PLXDC2: variants seen among roughly 807,000 people sequenced by gnomAD.
PLXDC2 encodes the protein plexin domain-containing protein 2.
PLXDC2 carries 40 observed loss-of-function variants against 68.9 expected under a neutral mutation model. The observed-to-expected ratio is 0.58, with a 90% CI of 0.45 to 0.76. PLXDC2 has a LOEUF of 0.76. Among genes scored for constraint, PLXDC2 ranks in the 30% least tolerant of loss-of-function variants. The pLI, the probability that PLXDC2 is intolerant of heterozygous loss-of-function variation, is 0.00. For missense variants in PLXDC2, 644 were observed against 661.9 expected (o/e 0.97, Z 0.30); for synonymous variants, 243 against 234.2 (o/e 1.04, Z -0.34).
intron 1 of PLXDC2, among the ~76,000 whole-genome samples, chr10:19,858,418 A>G (rs927435209): frequency 2.0e-5 from 3 of 152,216 alleles, no homozygotes; most frequent in African/African-American, 7.2e-5. Flanking sequence ...TGTTGAATAA[A>G]TGAAGGGAAG....
chr10:20,024,793 C>T (rs1269279724), intron 2 of PLXDC2, among the ~76,000 whole-genome samples: 1 of 152,028 alleles, frequency 6.6e-6, no homozygotes, highest in East Asian at 1.9e-4. Flanking sequence ...TCGTTCAGGT[C>T]CTACTTATAA....
intron 10 of PLXDC2, among the ~76,000 whole-genome samples, chr10:20,213,412 A>C (rs181761671): frequency 5.3e-5 from 8 of 152,162 alleles, no homozygotes; most frequent in African/African-American, 1.9e-4. Context: ...TCAGTGTCCC[A>C]CTGTATTAAT....
chr10:20,150,695 C>G (rs1834141436), intron 6 of PLXDC2, among the ~76,000 whole-genome samples: 2 of 152,136 alleles, frequency 1.3e-5, no homozygotes, highest in Admixed American at 6.5e-5. Flanking sequence ...TAGGTCTCAC[C>G]ACCTGGAGGC....
chr10:19,894,100 G>A (rs1838014114), intron 1 of PLXDC2, among the ~76,000 whole-genome samples: 1 of 152,126 alleles, frequency 6.6e-6, no homozygotes, highest in Non-Finnish European at 1.5e-5. Flanking sequence ...CAGCACCACA[G>A]GCTATAGTGC....
chr10:19,869,509 G>C (rs1161569736), intron 1 of PLXDC2, among the ~76,000 whole-genome samples: 1 of 147,990 alleles, frequency 6.8e-6, no homozygotes, highest in African/African-American at 2.5e-5. Flanking sequence ...AGGGAGACCA[G>C]TACATTAAAT....
At chr10:19,911,906 A>G (rs910269142) in intron 1 of PLXDC2, among the ~76,000 whole-genome samples, 1 of 152,202 alleles carries the variant, frequency 6.6e-6, no homozygotes, top group African/African-American at 2.4e-5. Context: ...TGTATGTTCT[A>G]TGTAAGCAAA....
At chr10:19,826,523 C>T (rs1836573556) in intron 1 of PLXDC2, among the ~76,000 whole-genome samples, 1 of 151,912 alleles carries the variant, frequency 6.6e-6, no homozygotes, top group South Asian at 2.1e-4. Flanking sequence ...CTGTGGATGC[C>T]CTGTGAAAAT....
chr10:20,073,454 T>C (rs545732242), intron 4 of PLXDC2, among the ~76,000 whole-genome samples: 2 of 152,236 alleles, frequency 1.3e-5, no homozygotes, highest in Non-Finnish European at 2.9e-5. Flanking sequence ...GTATGTATTT[T>C]ACTACGAATA....
At chr10:20,089,665 A>G (rs992916901) in intron 4 of PLXDC2, among the ~76,000 whole-genome samples, 33 of 152,164 alleles carry the variant, frequency 2.2e-4, no homozygotes, top group Admixed American at 1.3e-4. Context: ...TCCTGGCCAT[A>G]ATTTTCCTAG....
chr10:20,268,389 T>A (rs1835896876), intron 13 of PLXDC2, among the ~76,000 whole-genome samples: 1 of 152,216 alleles, frequency 6.6e-6, no homozygotes, highest in Non-Finnish European at 1.5e-5. Flanking sequence ...CTTTTAATTT[T>A]ATTTCAACAT....
intron 12 of PLXDC2, among the ~76,000 whole-genome samples, chr10:20,232,623 A>C (rs1042642351): frequency 6.6e-6 from 1 of 152,214 alleles, no homozygotes; most frequent in Non-Finnish European, 1.5e-5. Context: ...TGCCAGACAC[A>C]GTGGAGTACA....
intron 13 of PLXDC2, among the ~76,000 whole-genome samples, chr10:20,265,849 G>A (rs1373222954): frequency 6.6e-6 from 1 of 152,142 alleles, no homozygotes; most frequent in Non-Finnish European, 1.5e-5. Context: ...ACTCCAGAAA[G>A]TCACATTTAA....
At chr10:20,256,043 C>T (rs1009423311) in intron 13 of PLXDC2, among the ~76,000 whole-genome samples, 4 of 152,016 alleles carry the variant, frequency 2.6e-5, no homozygotes, top group African/African-American at 9.7e-5. Context: ...TTCTAATTAA[C>T]ATAATACTTA....
chr10:20,026,510 T>C (rs896635903), intron 2 of PLXDC2, among the ~76,000 whole-genome samples: 4 of 152,062 alleles, frequency 2.6e-5, no homozygotes, highest in African/African-American at 9.7e-5. Flanking sequence ...GTGGTTCAAC[T>C]TTTAGCTTTT....
intron 4 of PLXDC2, among the ~76,000 whole-genome samples, chr10:20,127,425 GT>G (rs1833808267): frequency 6.6e-6 from 1 of 152,254 alleles, no homozygotes; most frequent in South Asian, 2.1e-4. Flanking sequence ...AATAAAATTT[GT>G]TTTGTAAACC....
chr10:20,154,289 G>A (rs965980027), intron 6 of PLXDC2, among the ~76,000 whole-genome samples: 1 of 152,200 alleles, frequency 6.6e-6, no homozygotes, highest in African/African-American at 2.4e-5. Context: ...CAATGGCCGG[G>A]TACGGTGGCT....
chr10:19,831,060 A>G (rs1167707361), intron 1 of PLXDC2, among the ~76,000 whole-genome samples: 2 of 151,518 alleles, frequency 1.3e-5, no homozygotes, highest in African/African-American at 4.9e-5. Context: ...CTTGGTATAT[A>G]GAAGGCAATT....
chr10:20,186,620 C>T lies in PLXDC2; in HGVS notation c.1061+9211C>T, dbSNP rs555656437. ...TGTGTTGTTCCCCTCTTTGTGTTCA[C>T]GTTTTCTCGTATTTAGCTCCCATTT... On this transcript the variant is annotated intron_variant, in intron 9 of 13. Coordinates refer to ENST00000377252, the MANE Select transcript of PLXDC2 (RefSeq NM_032812.9). Among the ~76,000 whole-genome samples, 22 of 151,936 alleles carry T rather than the reference C, an allele frequency of 1.4e-4. No homozygotes were observed. In the South Asian group the frequency reaches 1.7e-3, roughly 11 times the overall value.
At chr10:20,117,022 A>G (rs1055647979) in intron 4 of PLXDC2, among the ~76,000 whole-genome samples, 1 of 147,944 alleles carries the variant, frequency 6.8e-6, no homozygotes, top group East Asian at 2.1e-4. Flanking sequence ...CAGACAATAT[A>G]ATTATCACAT....
Sources: allele counts gnomAD v4.1 joint callset (sites outside exome capture counted in the v4.1 genomes callset), GRCh38; gene constraint gnomAD v4.1.1; transcripts MANE v1.5; gene names NCBI Gene and HGNC (gene_info 2026-07-23, HGNC 2026-07-21).